Variants in CCDC178 observed in about 807,000 individuals in gnomAD.
The protein encoded by CCDC178 is coiled-coil domain containing 178, also known as coiled-coil domain-containing protein 178.
Under a neutral mutation model 117.4 loss-of-function variants are expected in CCDC178, and 126 were observed. That is an observed-to-expected ratio of 1.07 (90% confidence interval 0.93 to 1.24). The LOEUF (loss-of-function observed/expected upper bound fraction) is 1.24. CCDC178 is among the 50% of genes most tolerant of loss of function. CCDC178 has a pLI of 0.00. For missense variants in CCDC178, 1,030 were observed against 986.9 expected (o/e 1.04, Z -0.59); for synonymous variants, 283 against 313.4 (o/e 0.90, Z 1.02).
intron 20 of CCDC178, among the ~76,000 whole-genome samples, chr18:33,194,281 G>T (rs2058898560): frequency 6.6e-6 from 1 of 152,056 alleles, no homozygotes; most frequent in Non-Finnish European, 1.5e-5. Flanking sequence ...GTAGAAAATT[G>T]CCACTTAGAG....
rs1011146743 is a variant in CCDC178 at position 33,350,355 on chromosome 18, C to T, written c.372-1380G>A. On this transcript the variant is annotated intron_variant, in intron 7 of 22. Coordinates refer to ENST00000383096, the MANE Select transcript of CCDC178 (RefSeq NM_001105528.4). ...TTAGTGGCATTTAATACATTCACAACATCGTACAACTATCATCCCATCTCA... is the reference window on the plus strand; with the variant it reads ...TTAGTGGCATTTAATACATTCACAATATCGTACAACTATCATCCCATCTCA... Among the ~76,000 whole-genome samples, 4 of 152,162 alleles carry T rather than the reference C, an allele frequency of 2.6e-5. No individual in the cohort carries two copies. The East Asian group carries it at 7.7e-4, about 29-fold the overall frequency.
chr18:33,221,868 C>T (rs1599018591), intron 18 of CCDC178, among the ~76,000 whole-genome samples: 1 of 151,966 alleles, frequency 6.6e-6, no homozygotes, highest in African/African-American at 2.4e-5. Flanking sequence ...AGTGAAGATG[C>T]TTTCTAAGAA....
intron 11 of CCDC178, among the ~76,000 whole-genome samples, chr18:33,297,004 A>G (rs1218892519): frequency 6.6e-6 from 1 of 152,210 alleles, no homozygotes; most frequent in African/African-American, 2.4e-5. Context: ...AGCCTAGGTG[A>G]CAGAGCAAGA....
intron 11 of CCDC178, among the ~76,000 whole-genome samples, chr18:33,299,773 G>GAAA (rs71159813): frequency 2.1e-5 from 3 of 141,420 alleles, no homozygotes; most frequent in Non-Finnish European, 3.0e-5. Flanking sequence ...CATCTCAACA[G>GAAA]AAAAAAAAAA....
chr18:33,005,694 C>A (rs1189624257), intron 21 of CCDC178, among the ~76,000 whole-genome samples: 2 of 151,858 alleles, frequency 1.3e-5, no homozygotes, highest in African/African-American at 2.4e-5. Flanking sequence ...GCATTGAGTG[C>A]CTTTGTTAGA....
intron 20 of CCDC178, among the ~76,000 whole-genome samples, chr18:33,209,297 A>T (rs1390361147): frequency 6.6e-6 from 1 of 151,992 alleles, no homozygotes; most frequent in East Asian, 1.9e-4. Flanking sequence ...TGCTGTCTGT[A>T]TGTTATCTGA....
intron 21 of CCDC178, among the ~76,000 whole-genome samples, chr18:33,060,245 A>C (rs1478161950): frequency 1.3e-5 from 2 of 152,176 alleles, no homozygotes; most frequent in Admixed American, 1.3e-4. Flanking sequence ...TCTGGTTGAC[A>C]AATGACATTT....
intron 10 of CCDC178, among the ~76,000 whole-genome samples, chr18:33,328,610 A>G (rs2062621041): frequency 6.6e-6 from 1 of 152,182 alleles, no homozygotes; most frequent in Non-Finnish European, 1.5e-5. Flanking sequence ...TTAAAAATCA[A>G]TTAGCCGTAG....
intron 21 of CCDC178, among the ~76,000 whole-genome samples, chr18:33,089,288 A>G (rs1330330302): frequency 6.6e-6 from 1 of 152,130 alleles, no homozygotes; most frequent in Non-Finnish European, 1.5e-5. Flanking sequence ...TATAATTCTG[A>G]AATAGATTAG....
At chr18:33,028,902 A>G (rs911300081) in intron 21 of CCDC178, among the ~76,000 whole-genome samples, 16 of 151,832 alleles carry the variant, frequency 1.1e-4, no homozygotes, top group African/African-American at 3.4e-4. Context: ...CTCATTTTAC[A>G]TGGTGTTGGA....
chr18:33,014,016 C>T (rs1372964571), intron 21 of CCDC178, among the ~76,000 whole-genome samples: 2 of 152,128 alleles, frequency 1.3e-5, no homozygotes, highest in South Asian at 2.1e-4. Context: ...ACATCCTTGC[C>T]CACAGTCTGA....
chr18:33,148,095 C>T lies in CCDC178; in HGVS notation c.2239-55185G>A, dbSNP rs184774103. On this transcript the variant is annotated intron_variant, in intron 20 of 22. Transcript: ENST00000383096. ...GGCGGCTGGGAGGTGGAGGTTGTAG[C>T]GAGCCGAGATCATGCCACTGCACTC... 8.1e-3 allele frequency among the ~76,000 whole-genome samples: 1,231 copies of T among 151,502 alleles called. 47 individuals carry two copies. Among genetic ancestry groups the T allele is most frequent in the Admixed American group, 0.069 (1,058 of 15,272 alleles).
chr18:33,261,158 A>G (rs753013854), intron 14 of CCDC178, among the ~76,000 whole-genome samples: 6 of 151,984 alleles, frequency 3.9e-5, no homozygotes, highest in Non-Finnish European at 5.9e-5. Context: ...AGCTCGGCTC[A>G]CTGCGAGCTC....
At chr18:33,144,104 G>A (rs1174379417) in intron 20 of CCDC178, among the ~76,000 whole-genome samples, 1 of 151,926 alleles carries the variant, frequency 6.6e-6, no homozygotes, top group Admixed American at 6.6e-5. Flanking sequence ...ATACTATATT[G>A]AAGGCAGAGT....
In CCDC178 at chr18:33,224,812, G is replaced by T. The variant is rs1368745525; in HGVS notation, c.1781C>A (p.Ala594Asp). 5 of 1,547,406 alleles carry T rather than the reference G, an allele frequency of 3.2e-6. No individual in the cohort carries two copies. The highest frequency in any genetic ancestry group is 4.4e-6 in the Non-Finnish European group (5 of 1,145,570). ...TTTGTCGAGACTTCTGATTCTTTCA[G>T]CTTCATCTTCTAGTTGAAGCAGAGG... ...QEPLLQLEDE[A>D]ERIRSLDKEH... is the part of the protein sequence containing the mutation. Residue 594 changes from alanine (A) to aspartate (D), a missense_variant, in exon 17 of 23, where the codon GCT becomes GAT. Ala to Asp is a moderately radical substitution (Grantham distance 126). Coordinates refer to ENST00000383096, the MANE Select transcript of CCDC178 (RefSeq NM_001105528.4).
rs146087197 is a variant in CCDC178, at chr18:33,337,208, A to G, written c.659-3814T>C. Among the ~76,000 whole-genome samples, 3 of 150,276 alleles carry G rather than the reference A, an allele frequency of 2.0e-5. No homozygotes were observed. The East Asian group carries it at 5.9e-4, about 29-fold the overall frequency. ...TTCTCAGTTTGGATGCTGTTGGTGTAGACCAGAGCTATTGATTTGTGTACA... is the reference window on the plus strand; with the variant it reads ...TTCTCAGTTTGGATGCTGTTGGTGTGGACCAGAGCTATTGATTTGTGTACA... On this transcript the variant is annotated intron_variant, in intron 9 of 22. Transcript: ENST00000383096.
chr18:33,122,848 G>C (rs1486755123), intron 20 of CCDC178, among the ~76,000 whole-genome samples: 1 of 152,112 alleles, frequency 6.6e-6, no homozygotes. Context: ...TTCTGGGCAA[G>C]CCTCAGTGTT....
At chr18:33,241,805 CAATT>C (rs896117896) in intron 15 of CCDC178, among the ~76,000 whole-genome samples, 1 of 151,186 alleles carries the variant, frequency 6.6e-6, no homozygotes, top group Admixed American at 6.6e-5. Context: ...AATTGATAAA[CAATT>C]AATATTGTTA....
intron 11 of CCDC178, among the ~76,000 whole-genome samples, chr18:33,317,234 C>T (rs1312658800): frequency 6.6e-6 from 1 of 152,108 alleles, no homozygotes; most frequent in African/African-American, 2.4e-5. Context: ...CAGCTTCACT[C>T]CTGAAGCCAA....
Sources: gnomAD v4.1 joint callset for allele counts (sites outside exome capture counted in the v4.1 genomes callset) on GRCh38, gnomAD v4.1.1 for gene constraint, MANE v1.5 for transcripts, NCBI Gene and HGNC (gene_info 2026-07-23, HGNC 2026-07-21) for gene names.